TKTL1: variants seen among roughly 807,000 people sequenced by gnomAD.
TKTL1 encodes the protein transketolase like 1.
Under a neutral mutation model 39.3 loss-of-function variants are expected in TKTL1, and 1 was observed. The ratio of observed to expected loss-of-function variants is 0.03; its 90% CI spans 0.01 to 0.12. The LOEUF (loss-of-function observed/expected upper bound fraction) is 0.12, where lower values mean the gene tolerates loss of function less well. Among genes scored for constraint, TKTL1 ranks in the 10% least tolerant of loss-of-function variants. The pLI, the probability that TKTL1 is intolerant of heterozygous loss-of-function variation, is 1.00. For synonymous variants in TKTL1, 262 were observed against 193.8 expected (o/e 1.35, Z -2.92); for missense variants, 575 against 509.6 (o/e 1.13, Z -1.24).
Position 154,316,327 on chromosome X carries a change from C to G in TKTL1, c.1029+990C>G, listed in dbSNP as rs182241509. ...CCTCGTGATCCGTCCGCCTCGGCCT[C>G]CCAAAGTGCTGGGATTACAGACATG... On this transcript the variant is annotated intron_variant, in intron 7 of 12. Coordinates refer to ENST00000369915, the MANE Select transcript of TKTL1 (RefSeq NM_012253.4). Among the ~76,000 whole-genome samples, 286 of 111,329 alleles carry G rather than the reference C, an allele frequency of 2.6e-3. 3 individuals carry two copies. Among genetic ancestry groups the G allele is most frequent in the Middle Eastern group, 4.6e-3 (1 of 217 alleles).
At position 154,314,947 on chromosome X, in the gene TKTL1, C is replaced by G. The variant is rs1327704098; in HGVS notation, c.865-226C>G. ...CGGGGGATGTTAACTAAAAAGAGCA[C>G]AATTTGAGAAAAACTTGGGTGCCAC... is the stretch of plus-strand genomic sequence containing the variant. On this transcript the variant is annotated intron_variant, in intron 6 of 12. Transcript: ENST00000369915. Among the ~76,000 whole-genome samples the G allele has an allele frequency of 3.6e-5, 4 of 111,280 alleles. 1 individual carries two copies. In the Middle Eastern group the frequency reaches 0.014, roughly 385 times the overall value.
chrX:154,324,159 T>C (rs1241555378), intron 9 of TKTL1, among the ~76,000 whole-genome samples: 1 of 111,002 alleles, frequency 9.0e-6, no homozygotes, highest in Non-Finnish European at 1.9e-5. Context: ...GGGTTTTTTT[T>C]CTTTGGAGAC....
intron 1 of TKTL1, 151 bp downstream of exon 1, chrX:154,296,144 G>A: frequency 5.2e-6 from 4 of 769,670 alleles, no homozygotes; most frequent in Non-Finnish European, 7.3e-6. Context: ...TTGGGGCCCG[G>A]TCGAGCACCC....
chrX:154,313,790 A>T (rs782004071), intron 6 of TKTL1, among the ~76,000 whole-genome samples: 1 of 109,891 alleles, frequency 9.1e-6, no homozygotes, highest in Non-Finnish European at 1.9e-5. Context: ...TTTAAAAATT[A>T]TCCAGGCATG....
In TKTL1 at chrX:154,295,827, A is replaced by T. The variant is rs782115109; in HGVS notation, c.-33A>T. On this transcript the variant is annotated 5_prime_UTR_variant, in exon 1 of 13. Coordinates refer to ENST00000369915, the MANE Select transcript of TKTL1 (RefSeq NM_012253.4). ...GCTCTTCAGACGCCGGAGACGTAGG[A>T]GTGGGTCTTCAGACTCCAAAGGGGT... 4.2e-6 allele frequency: 5 copies of T among 1,199,598 alleles called. No individual in the cohort carries two copies. The South Asian group carries it at 7.2e-5, about 17-fold the overall frequency.
intron 1 of TKTL1, among the ~76,000 whole-genome samples, chrX:154,300,368 T>C (rs1044387557): frequency 6.2e-5 from 7 of 112,487 alleles, no homozygotes; most frequent in African/African-American, 1.6e-4. Flanking sequence ...TTGGGCAGTA[T>C]GGCCATTTTC....
chrX:154,311,677 G>A (rs1557168404), intron 5 of TKTL1, among the ~76,000 whole-genome samples: 1 of 111,780 alleles, frequency 8.9e-6, no homozygotes, highest in East Asian at 2.8e-4. Context: ...ACATTTCAAG[G>A]CTGACAGCTG....
rs186175278 is a variant in TKTL1, at chrX:154,308,953, T to C, written c.253-392T>C. Among the ~76,000 whole-genome samples the C allele has an allele frequency of 1.1e-4, 12 of 110,997 alleles. No homozygotes were observed. In the South Asian group the frequency reaches 1.5e-3, roughly 14 times the overall value. On this transcript the variant is annotated intron_variant, in intron 2 of 12. Transcript: ENST00000369915. ...ATTTGTGCATGACCGGGAAGGGCCA[T>C]GGGAAAATGTCAAGAATCATACTTT...
intron 11 of TKTL1, 74 bp from the exon 12 acceptor site, chrX:154,327,765 C>G: frequency 8.3e-7 from 1 of 1,202,693 alleles, no homozygotes; most frequent in Non-Finnish European, 1.1e-6. Flanking sequence ...GCCCTGAGTG[C>G]TCTTTTTATT....
At chrX:154,298,426 C>T (rs906357503) in intron 1 of TKTL1, among the ~76,000 whole-genome samples, 1 of 112,147 alleles carries the variant, frequency 8.9e-6, no homozygotes, top group South Asian at 3.6e-4. Flanking sequence ...AAAGAACCAG[C>T]TTTGGCTAGG....
At position 154,320,847 on chromosome X, in the gene TKTL1, A is replaced by T; in HGVS notation, c.1120A>T (p.Ile374Phe). 1.7e-6 allele frequency: 2 copies of T among 1,211,317 alleles called. No individual in the cohort carries two copies. The highest frequency in any genetic ancestry group is 1.8e-5 in the South Asian group (1 of 56,964). ...CTTTCTGACTCGAGCATTTGATCACATCCGGATAGGAGGCCTCGCTGAGAG... is the reference window on the plus strand; with the variant it reads ...CTTTCTGACTCGAGCATTTGATCACTTCCGGATAGGAGGCCTCGCTGAGAG... ...AAFLTRAFDHIRIGGLAESNI... is the reference protein window; with the variant it reads ...AAFLTRAFDHFRIGGLAESNI... The change falls in exon 8 of 13, where the codon ATC becomes TTC. Residue 374 changes from isoleucine to phenylalanine, a missense_variant. Physicochemically the swap from Ile to Phe is conservative, Grantham distance 21. Transcript: ENST00000369915.
At chrX:154,299,081 A>G (rs782210651) in intron 1 of TKTL1, among the ~76,000 whole-genome samples, 38 of 109,294 alleles carry the variant, frequency 3.5e-4, no homozygotes, top group African/African-American at 1.3e-3. Context: ...GCTACATCAC[A>G]TAGGTTTTGG....
intron 9 of TKTL1, among the ~76,000 whole-genome samples, chrX:154,325,072 C>G (rs1308145023): frequency 8.9e-6 from 1 of 111,906 alleles, no homozygotes; most frequent in African/African-American, 3.3e-5. Context: ...AGTTAATGTT[C>G]TGTCTGCACA....
Position 154,305,310 on chromosome X carries a change from T to G in TKTL1, c.141T>G (p.Pro47=), listed in dbSNP as rs1557166996. 1 of 1,207,082 alleles carries G rather than the reference T, an allele frequency of 8.3e-7. No individual in the cohort carries two copies. Among genetic ancestry groups the G allele is most frequent in the Non-Finnish European group, 1.1e-6 (1 of 891,613 alleles). Residue 47 remains proline (P), a synonymous_variant, in exon 2 of 13, where the codon CCT becomes CCG. Transcript: ENST00000369915. The part of the protein sequence containing the change: ...RATCSTSSGH[P]TSCSSSSEIM... ...TGTCATGTCTGTCTTTCAGCCACCC[T>G]ACATCATGTAGCAGTTCTTCTGAGA...
rs1167603929 is a variant in TKTL1, at chrX:154,302,348, T to C, written c.135-2956T>C. On this transcript the variant is annotated intron_variant, in intron 1 of 12. Coordinates refer to ENST00000369915, the MANE Select transcript of TKTL1 (RefSeq NM_012253.4). The stretch of plus-strand genomic sequence containing the variant: ...AATCAGTTATCACTTAGGGCTGTTA[T>C]AAGAAATGCCAAGACTGGGTGGCTT... 4.5e-5 allele frequency among the ~76,000 whole-genome samples: 5 copies of C among 111,649 alleles called. No individual in the cohort carries two copies. The East Asian group carries it at 1.1e-3, about 25-fold the overall frequency.
At chrX:154,303,138 C>T (rs1214747295) in intron 1 of TKTL1, among the ~76,000 whole-genome samples, 1 of 110,174 alleles carries the variant, frequency 9.1e-6, no homozygotes, top group Non-Finnish European at 1.9e-5. Flanking sequence ...TTGCCTTCTA[C>T]TTATTAGACC....
intron 1 of TKTL1, among the ~76,000 whole-genome samples, chrX:154,300,436 A>C (rs149509628): frequency 2.1e-4 from 23 of 111,892 alleles, no homozygotes; most frequent in African/African-American, 7.5e-4. Context: ...GTCATCTGTG[A>C]TGTCTTTCAG....
intron 3 of TKTL1, among the ~76,000 whole-genome samples, chrX:154,310,140 G>A (rs782715657): frequency 4.5e-5 from 5 of 111,780 alleles, no homozygotes; most frequent in African/African-American, 1.6e-4. Flanking sequence ...TGTGATTATT[G>A]TAAATAAGTT....
At position 154,325,435 on chromosome X, in the gene TKTL1, G is replaced by A. The variant is rs4898475; in HGVS notation, c.1401+13G>A. On this transcript the variant is annotated intron_variant, in intron 10 of 12. Transcript: ENST00000369915. Reference sequence around the variant, plus strand: ...CGGACAGGCCAAGGTAAGGGCTTACGCGCTCCTGCGTTATTCAGTATCATC... The same window carrying A: ...CGGACAGGCCAAGGTAAGGGCTTACACGCTCCTGCGTTATTCAGTATCATC... The A allele has an allele frequency of 0.22, 266,011 of 1,183,306 alleles. 21,709 individuals are homozygous for A. The highest frequency in any genetic ancestry group is 0.52 in the South Asian group (29,086 of 56,282).
Sources: gnomAD v4.1 joint callset for allele counts (sites outside exome capture counted in the v4.1 genomes callset) on GRCh38, gnomAD v4.1.1 for gene constraint, MANE v1.5 for transcripts, NCBI Gene and HGNC (gene_info 2026-07-23, HGNC 2026-07-21) for gene names.